Variants in HLCS observed in about 807,000 individuals in gnomAD.
HLCS encodes biotin--protein ligase.
In HLCS, 53 loss-of-function variants were observed where a neutral mutation model predicts 75.0. The observed-to-expected ratio is 0.71, with a 90% CI of 0.57 to 0.89. The LOEUF is 0.89. Ranked by LOEUF, HLCS falls within the 40% of genes least tolerant of loss-of-function variation. The pLI, the probability that HLCS is intolerant of heterozygous loss-of-function variation, is 0.00. For missense variants in HLCS, 966 were observed against 1,074.0 expected (o/e 0.90, Z 1.41); for synonymous variants, 431 against 428.6 (o/e 1.01, Z -0.07).
intron 6 of HLCS, among the ~76,000 whole-genome samples, chr21:36,820,218 GC>G (rs35808041): frequency 0.29 from 44,417 of 152,114 alleles, 6,785 homozygotes; most frequent in Middle Eastern, 0.34. Context: ...TGATAGTGAG[GC>G]CCCGTGCCAG....
At chr21:36,937,648 C>A (rs143736143) in intron 3 of HLCS, among the ~76,000 whole-genome samples, 1 of 152,330 alleles carries the variant, frequency 6.6e-6, no homozygotes, top group East Asian at 1.9e-4. Flanking sequence ...GAACCTAAGA[C>A]CCTCTTACGG....
chr21:36,824,105 C>A (rs2146017560), intron 6 of HLCS, among the ~76,000 whole-genome samples: 1 of 152,246 alleles, frequency 6.6e-6, no homozygotes, highest in South Asian at 2.1e-4. Flanking sequence ...CATGGTGAAA[C>A]CCTGTCTCTA....
At chr21:36,774,808 A>G (rs529077033) in intron 6 of HLCS, among the ~76,000 whole-genome samples, 9 of 152,254 alleles carry the variant, frequency 5.9e-5, no homozygotes, top group African/African-American at 2.2e-4. Flanking sequence ...AAAGCTACAC[A>G]TAGTTGGTTG....
intron 6 of HLCS, among the ~76,000 whole-genome samples, chr21:36,769,038 T>C (rs1423972769): frequency 6.6e-6 from 1 of 152,058 alleles, no homozygotes; most frequent in Non-Finnish European, 1.5e-5. Flanking sequence ...AATAAACATG[T>C]AGACGGTAGA....
chr21:36,946,594 C>T (rs1039932364), intron 2 of HLCS, among the ~76,000 whole-genome samples: 1 of 151,366 alleles, frequency 6.6e-6, no homozygotes, highest in African/African-American at 2.4e-5. Context: ...TCAGAGTGAA[C>T]GTGAATTTAA....
At position 36,937,357 on chromosome 21, in the gene HLCS, T is replaced by A; in HGVS notation, c.529A>T (p.Lys177Ter). 1.2e-6 allele frequency: 2 copies of A among 1,613,938 alleles called. No homozygotes were observed. Among genetic ancestry groups the A allele is most frequent in the Non-Finnish European group, 1.7e-6 (2 of 1,180,030 alleles). The change falls in exon 4 of 11, where the codon AAG becomes TAG. Residue 177 changes from lysine to a stop codon, truncating the protein, a stop_gained. Transcript: ENST00000674895. LOFTEE classifies it high-confidence loss of function. ...GCTTGCTTGTTTGAGACCTGATCCT[T>A]AACTTCCTTCAGAGTGGAGTCCTGC... ...HLQDSTLKEV[K>*]DQVSNKQAQI...
chr21:36,958,983 G>A (rs908138124), intron 2 of HLCS, among the ~76,000 whole-genome samples: 1 of 152,218 alleles, frequency 6.6e-6, no homozygotes, highest in Non-Finnish European at 1.5e-5. Flanking sequence ...GGCGCGGCCA[G>A]GGATACGCGC....
At chr21:36,981,545 G>T (rs148894624) in intron 1 of HLCS, among the ~76,000 whole-genome samples, 1 of 151,712 alleles carries the variant, frequency 6.6e-6, no homozygotes, top group Non-Finnish European at 1.5e-5. Flanking sequence ...GATTACAGGC[G>T]CCCGCCACCA....
intron 7 of HLCS, among the ~76,000 whole-genome samples, chr21:36,765,550 A>T (rs2090001906): frequency 6.6e-6 from 1 of 152,252 alleles, no homozygotes; most frequent in Non-Finnish European, 1.5e-5. Context: ...GAGGTCCTGG[A>T]AGCCACTGTT....
At chr21:36,873,158 G>A (rs1423281794) in intron 6 of HLCS, among the ~76,000 whole-genome samples, 1 of 150,746 alleles carries the variant, frequency 6.6e-6, no homozygotes, top group Non-Finnish European at 1.5e-5. Context: ...TCGCTCTGTC[G>A]CCAGGCTGGA....
chr21:36,756,422 G>GC (rs983948893), intron 10 of HLCS, 120 bp downstream of exon 10: 43 of 671,844 alleles, frequency 6.4e-5, no homozygotes, highest in Admixed American at 1.3e-4. Context: ...CTGCACTCCA[G>GC]CCTGGGCGAC....
chr21:36,787,643 C>T (rs568914236), intron 6 of HLCS, among the ~76,000 whole-genome samples: 5 of 152,234 alleles, frequency 3.3e-5, no homozygotes, highest in African/African-American at 7.2e-5. Context: ...GGAGAGGAGG[C>T]GGCACCTATA....
intron 2 of HLCS, among the ~76,000 whole-genome samples, chr21:36,947,015 G>A (rs766308118): frequency 3.3e-5 from 5 of 152,152 alleles, no homozygotes; most frequent in South Asian, 2.1e-4. Context: ...ATGAAGGTGC[G>A]TGGGAAACAG....
At chr21:36,859,888 C>T (rs568044855) in intron 6 of HLCS, among the ~76,000 whole-genome samples, 13 of 152,340 alleles carry the variant, frequency 8.5e-5, no homozygotes, top group East Asian at 1.9e-4. Flanking sequence ...GGGAAGAAGA[C>T]GGTTTCGCAA....
intron 6 of HLCS, among the ~76,000 whole-genome samples, chr21:36,869,084 G>A (rs1233998124): frequency 1.3e-5 from 2 of 151,124 alleles, no homozygotes; most frequent in Non-Finnish European, 2.9e-5. Flanking sequence ...CATGCATTAA[G>A]CAAAAGATGT....
At chr21:36,850,482 C>G (rs116226037) in intron 6 of HLCS, among the ~76,000 whole-genome samples, 2,028 of 152,272 alleles carry the variant, frequency 0.013, 47 homozygotes, top group African/African-American at 0.046. Flanking sequence ...CCTGCACCCC[C>G]AAGCCCCAAG....
intron 5 of HLCS, among the ~76,000 whole-genome samples, chr21:36,909,554 G>A (rs568854653): frequency 6.6e-6 from 1 of 152,158 alleles, no homozygotes; most frequent in Non-Finnish European, 1.5e-5. Flanking sequence ...CAGACAGAGT[G>A]CAATTAAGAT....
chr21:36,834,744 T>G (rs907681004), intron 6 of HLCS, among the ~76,000 whole-genome samples: 1 of 152,052 alleles, frequency 6.6e-6, no homozygotes, highest in African/African-American at 2.4e-5. Flanking sequence ...TTAGTAGAGA[T>G]GGGGTTTCAC....
At chr21:36,961,559 AC>A (rs2068292011) in intron 2 of HLCS, among the ~76,000 whole-genome samples, 1 of 152,164 alleles carries the variant, frequency 6.6e-6, no homozygotes, top group Non-Finnish European at 1.5e-5. Flanking sequence ...CACATTAAAA[AC>A]ATAAAAAGAA....
Sources: gnomAD v4.1 joint callset for allele counts (sites outside exome capture counted in the v4.1 genomes callset) on GRCh38, gnomAD v4.1.1 for gene constraint, MANE v1.5 for transcripts, NCBI Gene and HGNC (gene_info 2026-07-23, HGNC 2026-07-21) for gene names.